The following ACTR1A variants were observed in gnomAD, a reference collection of about 807,000 sequenced individuals.
ACTR1A encodes actin related protein 1A.
ACTR1A carries 10 observed loss-of-function variants against 50.7 expected under a neutral mutation model. The ratio of observed to expected loss-of-function variants is 0.20; its 90% CI spans 0.12 to 0.33. The LOEUF is 0.33. ACTR1A is among the 10% of genes least tolerant of loss of function. The probability of loss-of-function intolerance (pLI) is 1.00; values close to 1 mark genes in which losing one functional copy is unlikely to be tolerated. For synonymous variants in ACTR1A, 177 were observed against 184.2 expected (o/e 0.96, Z 0.32); for missense variants, 253 against 491.7 (o/e 0.51, Z 4.59).
intron 1 of ACTR1A, among the ~76,000 whole-genome samples, chr10:102,498,090 CA>C (rs10719520): frequency 0.39 from 50,902 of 130,326 alleles, 8,645 homozygotes; most frequent in African/African-American, 0.43. Context: ...GACCTTGTCT[CA>C]AAAAAAAAAA....
At chr10:102,484,631 G>C (rs1030601321) in intron 5 of ACTR1A, among the ~76,000 whole-genome samples, 1 of 152,124 alleles carries the variant, frequency 6.6e-6, no homozygotes, top group African/African-American at 2.4e-5. Context: ...GAGATGGCCT[G>C]GCCTTCAGCT....
chr10:102,494,653 AAC>A (rs1337996309), intron 1 of ACTR1A, among the ~76,000 whole-genome samples: 2 of 151,646 alleles, frequency 1.3e-5, no homozygotes, highest in African/African-American at 2.4e-5. Context: ...CCAACCAACC[AAC>A]CAAACAAACA....
chr10:102,483,019 T>C lies in ACTR1A; in HGVS notation c.742A>G (p.Thr248Ala), dbSNP rs764923343. ...GAAGGCAGGCCACCTACCTCAATGG[T>C]GCTGCCATCAGGCAGGTAGTACTGA... is the stretch of plus-strand genomic sequence containing the variant. Reference protein sequence around the residue: ...KAQYYLPDGSTIEIGPSRFRA... With the variant: ...KAQYYLPDGSAIEIGPSRFRA... Residue 248 changes from threonine to alanine, a missense_variant, in exon 7 of 11, where the codon ACC becomes GCC. Physicochemically the swap from Thr to Ala is moderately conservative, Grantham distance 58. Coordinates refer to ENST00000369905, the MANE Select transcript of ACTR1A (RefSeq NM_005736.4). 1 of 1,613,696 alleles carries C rather than the reference T, an allele frequency of 6.2e-7. No individual in the cohort carries two copies. Among genetic ancestry groups the C allele is most frequent in the Non-Finnish European group, 8.5e-7 (1 of 1,179,628 alleles).
At chr10:102,497,872 T>G (rs1432732896) in intron 1 of ACTR1A, among the ~76,000 whole-genome samples, 1 of 149,662 alleles carries the variant, frequency 6.7e-6, no homozygotes, top group Non-Finnish European at 1.5e-5. Context: ...GTGGGAGGAC[T>G]GCTTCAGCCC....
chr10:102,487,421 A>C (rs1388050603), intron 4 of ACTR1A, among the ~76,000 whole-genome samples: 1 of 151,904 alleles, frequency 6.6e-6, no homozygotes, highest in African/African-American at 2.4e-5. Flanking sequence ...CCACACACAC[A>C]CACACAAAAT....
intron 1 of ACTR1A, among the ~76,000 whole-genome samples, chr10:102,501,333 A>C (rs2062250439): frequency 6.6e-6 from 1 of 152,234 alleles, no homozygotes; most frequent in Non-Finnish European, 1.5e-5. Flanking sequence ...TATCTACCTA[A>C]CAGAGCTGAA....
At position 102,482,337 on chromosome 10, in the gene ACTR1A, T is replaced by C; in HGVS notation, c.751-162A>G. 1.1e-5 allele frequency: 7 copies of C among 662,612 alleles called. No individual in the cohort carries two copies. Among genetic ancestry groups the C allele is most frequent in the Non-Finnish European group, 1.8e-5 (7 of 389,802 alleles). 41.0% of individuals were successfully genotyped at this position (662,612 alleles called of 1,614,324 possible). A position where few individuals can be genotyped will look rare whatever the true frequency, so the allele number is the denominator to read the frequency against. On this transcript the variant is annotated intron_variant, in intron 7 of 10. Coordinates refer to ENST00000369905, the MANE Select transcript of ACTR1A (RefSeq NM_005736.4). This position sits in a 1 kb window ranked among gnomAD's most constrained non-coding sequence, Gnocchi z 5.6. ...TGTCAAGGGCTTAAAGGAACAAAGA[T>C]AGGCCTCCTGGAAACTAGTGAGGGG...
At position 102,490,529 on chromosome 10, in the gene ACTR1A, T is replaced by G. The variant is rs760358772; in HGVS notation, c.113+20A>C. 9 of 1,606,288 alleles carry G rather than the reference T, an allele frequency of 5.6e-6. No homozygotes were observed. Among genetic ancestry groups the G allele is most frequent in the South Asian group, 1.1e-5 (1 of 90,930 alleles). ...AAAGCTGATGAGCCTCCAAAACGTC[T>G]AAGCTACAGAATGACTTACTAGTTT... is the stretch of plus-strand genomic sequence containing the variant. On this transcript the variant is annotated intron_variant, in intron 2 of 10. Coordinates refer to ENST00000369905, the MANE Select transcript of ACTR1A (RefSeq NM_005736.4).
intron 2 of ACTR1A, among the ~76,000 whole-genome samples, chr10:102,489,926 T>G (rs2062184231): frequency 6.6e-6 from 1 of 151,952 alleles, no homozygotes; most frequent in Admixed American, 6.6e-5. Flanking sequence ...GCAGTCTCTC[T>G]GTCTTAGGAG....
At position 102,485,657 on chromosome 10, in the gene ACTR1A, G is replaced by T. The variant is rs369078492; in HGVS notation, c.392C>A (p.Thr131Asn). The T allele has an allele frequency of 5.0e-6, 8 of 1,614,094 alleles. No individual in the cohort carries two copies. Among genetic ancestry groups the T allele is most frequent in the Non-Finnish European group, 6.8e-6 (8 of 1,180,016 alleles). Residue 131 changes from threonine (T) to asparagine (N), a missense_variant, in exon 5 of 11, where the codon ACC becomes AAC. Thr to Asn is a moderately conservative substitution (Grantham distance 65). Around this residue, in one of 4 missense-constraint regions of ACTR1A, gnomAD observed 96 missense variants for 238.7 expected, o/e 0.40. Coordinates refer to ENST00000369905, the MANE Select transcript of ACTR1A (RefSeq NM_005736.4). ...RERAAEVFFE[T>N]FNVPALFISM... ...GATGAAAAGAGCGGGCACATTGAAG[G>T]TCTCGAAGAAAACTTCGGCAGCTCG...
intron 9 of ACTR1A, 34 bp from the exon 10 acceptor site, chr10:102,481,206 TC>T: frequency 6.4e-7 from 1 of 1,552,880 alleles, no homozygotes; most frequent in Non-Finnish European, 8.7e-7. Context: ...ATCTGAGACT[TC>T]CAGCCCTCCC....
chr10:102,480,568 T>C lies in ACTR1A; in HGVS notation c.*295A>G, dbSNP rs1220395417. On this transcript the variant is annotated 3_prime_UTR_variant, in exon 11 of 11. Transcript: ENST00000369905. Reference sequence around the variant, plus strand: ...TGTCTCCCTGTGGTAGTAAACGGAGTCCCCCACAGCCAGCCAGAGGCCACC... The same window carrying C: ...TGTCTCCCTGTGGTAGTAAACGGAGCCCCCCACAGCCAGCCAGAGGCCACC... 1.4e-5 allele frequency: 6 copies of C among 425,314 alleles called. No individual in the cohort carries two copies. The highest frequency in any genetic ancestry group is 2.6e-5 in the Non-Finnish European group (6 of 233,492). The allele number at this position is 425,314 out of a possible 1,614,324, so 26.3% of individuals were successfully genotyped here.
In ACTR1A at chr10:102,479,778, C is replaced by T. The variant is rs1054159630; in HGVS notation, c.*1085G>A. ...TAAGGGCACTGGCTCTCCAACACCC[C>T]TCCCTTGCTTAGGGGCCTCTGCCAA... On this transcript the variant is annotated 3_prime_UTR_variant, in exon 11 of 11. Transcript: ENST00000369905. The surrounding 1 kb of genome is among the most constrained non-coding windows in gnomAD (Gnocchi z 4.0). 1 of 931,990 alleles carries T rather than the reference C, an allele frequency of 1.1e-6. No individual in the cohort carries two copies. The highest frequency in any genetic ancestry group is 1.7e-5 in the African/African-American group (1 of 57,662). 57.7% of individuals were successfully genotyped at this position (931,990 alleles called of 1,614,324 possible). A position where few individuals can be genotyped will look rare whatever the true frequency, so the allele number is the denominator to read the frequency against.
intron 4 of ACTR1A, 133 bp from the exon 5 acceptor site, chr10:102,485,866 A>T (rs1022853208): frequency 1.6e-6 from 2 of 1,288,066 alleles, no homozygotes; most frequent in Non-Finnish European, 2.2e-6. Context: ...AAAAAAGGCA[A>T]GCTGTGCCTG....
chr10:102,489,329 A>T (rs1252961637), intron 2 of ACTR1A, among the ~76,000 whole-genome samples, 191 bp from the exon 3 acceptor site: 1 of 151,834 alleles, frequency 6.6e-6, no homozygotes, highest in Non-Finnish European at 1.5e-5. Flanking sequence ...TGTATTATTT[A>T]TATATTATTT....
intron 2 of ACTR1A, among the ~76,000 whole-genome samples, chr10:102,490,052 G>A (rs1449900737): frequency 2.6e-5 from 4 of 151,908 alleles, no homozygotes; most frequent in East Asian, 3.9e-4. Context: ...TGGCTAATAC[G>A]GTGAAATCCC....
At chr10:102,494,533 G>A (rs2062210389) in intron 1 of ACTR1A, among the ~76,000 whole-genome samples, 1 of 152,188 alleles carries the variant, frequency 6.6e-6, no homozygotes. Context: ...AGGAGGCTGA[G>A]GTTGGAGGAT....
Position 102,480,855 on chromosome 10 carries a change from T to A in ACTR1A, c.*8A>T. 1.2e-6 allele frequency: 2 copies of A among 1,604,676 alleles called. No homozygotes were observed. Among genetic ancestry groups the A allele is most frequent in the Non-Finnish European group, 1.7e-6 (2 of 1,171,638 alleles). The stretch of plus-strand genomic sequence containing the variant: ...ACTTCAGAGAGAGGTGAAGATGATG[T>A]CCCGACATTAGAAGGTTTTTCTGTG... On this transcript the variant is annotated 3_prime_UTR_variant, in exon 11 of 11. Coordinates refer to ENST00000369905, the MANE Select transcript of ACTR1A (RefSeq NM_005736.4).
At chr10:102,497,132 T>C (rs993759063) in intron 1 of ACTR1A, among the ~76,000 whole-genome samples, 18 of 135,440 alleles carry the variant, frequency 1.3e-4, no homozygotes, top group Non-Finnish European at 2.3e-4. Context: ...TGAGCATCAC[T>C]GCACTCCAGC....
Sources: gnomAD v4.1 joint callset for allele counts (sites outside exome capture counted in the v4.1 genomes callset) on GRCh38, gnomAD v4.1.1 for gene constraint, gnomAD v4.1.1 regional missense constraint, Gnocchi (gnomAD v3.1) non-coding constraint, MANE v1.5 for transcripts, NCBI Gene and HGNC (gene_info 2026-07-23, HGNC 2026-07-21) for gene names.